The following PRAMEF12 variants were observed in gnomAD, a reference collection of about 807,000 sequenced individuals.
PRAMEF12 encodes the protein PRAME family member 12.
A neutral mutation model predicts 24.6 loss-of-function variants in PRAMEF12; 24 were observed. The observed-to-expected ratio is 0.98, with a 90% CI of 0.71 to 1.37. PRAMEF12 has a LOEUF of 1.37. Ranked by LOEUF, PRAMEF12 falls within the 40% of genes most tolerant of loss-of-function variation. The pLI is 0.00. For synonymous variants in PRAMEF12, 286 were observed against 242.6 expected, an observed-to-expected ratio of 1.18 and a Z score of -1.66; for missense variants, 646 against 580.3, an observed-to-expected ratio of 1.11 and a Z score of -1.16.
rs986311617 is a variant in PRAMEF12 at position 12,775,235 on chromosome 1, C to A, written c.287+81C>A. The A allele has an allele frequency of 2.6e-5, 38 of 1,458,832 alleles. No homozygotes were observed. In the South Asian group the frequency reaches 4.5e-4, roughly 17 times the overall value. The allele number at this position is 1,458,832 out of a possible 1,614,324, so 90.4% of individuals were successfully genotyped here. On this transcript the variant is annotated intron_variant, in intron 1 of 2. Transcript: ENST00000357726. ...GCTGGGTCAGAAGGAGTGGGAGGCC[C>A]AAGGGTGGCCCAGAGACTTCTGATG...
chr1:12,774,833 G>A lies in PRAMEF12; in HGVS notation c.-35G>A, dbSNP rs768822425. 44 of 1,547,874 alleles carry A rather than the reference G, an allele frequency of 2.8e-5. No individual in the cohort carries two copies. The South Asian group carries it at 3.6e-4, about 13-fold the overall frequency. On this transcript the variant is annotated 5_prime_UTR_variant, in exon 1 of 3. Transcript: ENST00000357726. ...AGATGATGAAGTGATGTGATTTGCCGTAAGAATGATGTTTTTTTCTCTAGA... is the reference window on the plus strand; with the variant it reads ...AGATGATGAAGTGATGTGATTTGCCATAAGAATGATGTTTTTTTCTCTAGA...
intron 2 of PRAMEF12, among the ~76,000 whole-genome samples, chr1:12,776,328 A>G (rs964493656): frequency 2.6e-5 from 4 of 152,146 alleles, no homozygotes; most frequent in Admixed American, 2.6e-4. Flanking sequence ...CTCCTGGGCT[A>G]GATGCTATAG....
chr1:12,776,490 C>A (rs1459298219), intron 2 of PRAMEF12, among the ~76,000 whole-genome samples: 1 of 152,110 alleles, frequency 6.6e-6, no homozygotes, highest in Non-Finnish European at 1.5e-5. Flanking sequence ...CACACCCCTC[C>A]ATTTTAAAAT....
chr1:12,775,098 C>T lies in PRAMEF12; in HGVS notation c.231C>T (p.Ile77=). 1 of 1,614,162 alleles carries T rather than the reference C, an allele frequency of 6.2e-7. No homozygotes were observed. The change falls in exon 1 of 3, where the codon ATC becomes ATT. Residue 77 remains isoleucine, a synonymous_variant. Transcript: ENST00000357726. ...TGATGAAGTCATGTAATCTAGAGAT[C>T]TTTCGAGCTGTGCTGGAGGGGCTTG... is the stretch of plus-strand genomic sequence containing the variant. ...GSLMKSCNLE[I]FRAVLEGLDA... is the part of the protein sequence containing the mutation.
rs955613939 is a variant in PRAMEF12, at chr1:12,777,716, A to C, written c.*117A>C. ...GTGAACCGGAAAGGAAAGGGGATGCAGGAAGGGAGGGACTGGGGGAAAAGT... is the reference window on the plus strand; with the variant it reads ...GTGAACCGGAAAGGAAAGGGGATGCCGGAAGGGAGGGACTGGGGGAAAAGT... On this transcript the variant is annotated 3_prime_UTR_variant, in exon 3 of 3. Coordinates refer to ENST00000357726, the MANE Select transcript of PRAMEF12 (RefSeq NM_001080830.5). The C allele has an allele frequency of 2.2e-5, 27 of 1,237,858 alleles. No homozygotes were observed. Among genetic ancestry groups the C allele is most frequent in the Non-Finnish European group, 2.9e-5 (26 of 891,042 alleles). The allele number at this position is 1,237,858 out of a possible 1,614,324, so 76.7% of individuals were successfully genotyped here. A position where few individuals can be genotyped will look rare whatever the true frequency, so the allele number is the denominator to read the frequency against.
Position 12,777,428 on chromosome 1 carries a change from A to C in PRAMEF12, c.1281A>C (p.Gly427=), listed in dbSNP as rs201380993. 8 of 1,607,062 alleles carry C rather than the reference A, an allele frequency of 5.0e-6. No homozygotes were observed. The African/African-American group carries it at 9.4e-5, about 19-fold the overall frequency. ...SYDAQGALCW[G]RFSQLGAELM... is the part of the protein sequence containing the mutation. ...ATGCCCAGGGTGCTCTCTGCTGGGG[A>C]AGATTTTCTCAACTTGGGGCTGAGC... Residue 427 remains glycine, a synonymous_variant, in exon 3 of 3, where the codon GGA becomes GGC. Transcript: ENST00000357726.
At chr1:12,775,498 C>G (rs762362733) in intron 1 of PRAMEF12, 45 bp from the exon 2 acceptor site, 25 of 1,541,078 alleles carry the variant, frequency 1.6e-5, no homozygotes, top group Admixed American at 1.5e-4. Flanking sequence ...GATAAAAGCT[C>G]AAATCCTTCC....
Position 12,773,945 on chromosome 1 carries a change from C to A in PRAMEF12, c.-923C>A, listed in dbSNP as rs76107746. On this transcript the variant is annotated 5_prime_UTR_variant, in exon 1 of 3. Coordinates refer to ENST00000357726, the MANE Select transcript of PRAMEF12 (RefSeq NM_001080830.5). ...CTGTTTTCAGAAGAACAAATTTAGG[C>A]TTTGATTTTTCCTCTAAATGTAGTT... is the stretch of plus-strand genomic sequence containing the variant. Among the ~76,000 whole-genome samples, 4,211 of 152,228 alleles carry A rather than the reference C, an allele frequency of 0.028. 79 individuals carry two copies. The highest frequency in any genetic ancestry group is 0.061 in the South Asian group (296 of 4,820).
rs1157022124 is a variant in PRAMEF12, at chr1:12,777,485, C to T, written c.1338C>T (p.Pro446=). Reference sequence around the variant, plus strand: ...AGACACTGAGGGACTTAAGGCAGCCCAAGATAATTGTGTTCAGCACTGTCC... The same window carrying T: ...AGACACTGAGGGACTTAAGGCAGCCTAAGATAATTGTGTTCAGCACTGTCC... The part of the protein sequence containing the change: ...LMKTLRDLRQ[P]KIIVFSTVPC... Residue 446 remains proline (P), a synonymous_variant, in exon 3 of 3, where the codon CCC becomes CCT. Coordinates refer to ENST00000357726, the MANE Select transcript of PRAMEF12 (RefSeq NM_001080830.5). The T allele has an allele frequency of 1.2e-6, 2 of 1,614,046 alleles. No homozygotes were observed. Among genetic ancestry groups the T allele is most frequent in the South Asian group, 2.2e-5 (2 of 91,080 alleles).
Position 12,775,053 on chromosome 1 carries a change from C to T in PRAMEF12, c.186C>T (p.Thr62=), listed in dbSNP as rs767083076. ...CTATGGTGCAGGCCTGGCCCTTCAC[C>T]TGCCTTCCTCTAGGGTCCCTGATGA... The part of the protein sequence containing the change: ...LTTMVQAWPF[T]CLPLGSLMKS... Residue 62 remains threonine, a synonymous_variant, in exon 1 of 3, where the codon ACC becomes ACT. Coordinates refer to ENST00000357726, the MANE Select transcript of PRAMEF12 (RefSeq NM_001080830.5). 1.9e-6 allele frequency: 3 copies of T among 1,614,070 alleles called. No homozygotes were observed. The African/African-American group carries it at 4.0e-5, about 22-fold the overall frequency.
rs1639038484 is a variant in PRAMEF12, at chr1:12,775,652, G to A, written c.397G>A (p.Ala133Thr). The change falls in exon 2 of 3, where the codon GCA becomes ACA. Residue 133 changes from alanine (A) to threonine (T), a missense_variant. Transcript: ENST00000357726. ...AGAGGCCCTGAGTAAGAGACGAACA[G>A]CAGGGAACTGTCCAAGGCCGGGTGG... is the stretch of plus-strand genomic sequence containing the variant. ...SPEALSKRRT[A>T]GNCPRPGGQQ... 5 of 1,613,946 alleles carry A rather than the reference G, an allele frequency of 3.1e-6. No homozygotes were observed. Among genetic ancestry groups the A allele is most frequent in the Non-Finnish European group, 4.2e-6 (5 of 1,180,022 alleles).
chr1:12,774,698 T>C lies in PRAMEF12; in HGVS notation c.-170T>C, dbSNP rs1639021664. 2 of 628,686 alleles carry C rather than the reference T, an allele frequency of 3.2e-6. No homozygotes were observed. Among genetic ancestry groups the C allele is most frequent in the Non-Finnish European group, 5.4e-6 (2 of 371,216 alleles). The allele number at this position is 628,686 out of a possible 1,614,324, so 38.9% of individuals were successfully genotyped here. ...CTCATTGTTTGGAAGACATTCTTTA[T>C]GGTACCAGCAAGGGCAGAATTACAG... On this transcript the variant is annotated 5_prime_UTR_variant, in exon 1 of 3. It removes an upstream start codon present in the reference 5' UTR. Transcript: ENST00000357726.
intron 2 of PRAMEF12, 41 bp downstream of exon 2, chr1:12,776,159 A>G: frequency 6.3e-7 from 1 of 1,585,484 alleles, no homozygotes; most frequent in Non-Finnish European, 8.7e-7. Context: ...ACCGCAGCAA[A>G]GACTTTCTTT....
At position 12,775,903 on chromosome 1, in the gene PRAMEF12, G is replaced by A; in HGVS notation, c.648G>A (p.Leu216=). The A allele has an allele frequency of 6.2e-7, 1 of 1,614,114 alleles. No individual in the cohort carries two copies. The highest frequency in any genetic ancestry group is 8.5e-7 in the Non-Finnish European group (1 of 1,180,008). Residue 216 remains leucine (L), a synonymous_variant, in exon 2 of 3, where the codon CTG becomes CTA. Coordinates refer to ENST00000357726, the MANE Select transcript of PRAMEF12 (RefSeq NM_001080830.5). ...TGGAAGTGTGCTGCCCGTGGGAGCTGTCCATTCTTATAAGGTTCGCCCCTT... is the reference window on the plus strand; with the variant it reads ...TGGAAGTGTGCTGCCCGTGGGAGCTATCCATTCTTATAAGGTTCGCCCCTT... ...QEVEVCCPWE[L]SILIRFAPYL... is the part of the protein sequence containing the mutation.
Position 12,775,004 on chromosome 1 carries a change from G to T in PRAMEF12, c.137G>T (p.Arg46Met). The change falls in exon 1 of 3, where the codon AGG becomes ATG. Residue 46 changes from arginine (R) to methionine (M), a missense_variant. Physicochemically the swap from Arg to Met is moderately conservative, Grantham distance 91 (BLOSUM62 -1). Transcript: ENST00000357726. Reference sequence around the variant, plus strand: ...CCACTGTTCATGGAGGCCTTTACCAGGAGATGCTGCGAGACCCTGACAACT... The same window carrying T: ...CCACTGTTCATGGAGGCCTTTACCATGAGATGCTGCGAGACCCTGACAACT... ...FPPLFMEAFT[R>M]RCCETLTTMV... is the part of the protein sequence containing the mutation. 6.2e-7 allele frequency: 1 copy of T among 1,614,142 alleles called. No individual in the cohort carries two copies. The highest frequency in any genetic ancestry group is 1.7e-5 in the Admixed American group (1 of 60,032).
In PRAMEF12 at chr1:12,777,519, C is replaced by T. The variant is rs752640848; in HGVS notation, c.1372C>T (p.Arg458Cys). 5.1e-5 allele frequency: 83 copies of T among 1,613,982 alleles called. No homozygotes were observed. Among genetic ancestry groups the T allele is most frequent in the Non-Finnish European group, 6.5e-5 (77 of 1,180,032 alleles). The change falls in exon 3 of 3, where the codon CGC becomes TGC. Residue 458 changes from arginine (R) to cysteine (C), a missense_variant. Coordinates refer to ENST00000357726, the MANE Select transcript of PRAMEF12 (RefSeq NM_001080830.5). ...TGTGTTCAGCACTGTCCCCTGCCCT[C>T]GCTGTGGCATCAGGGCCTCCTATGA... ...IIVFSTVPCP[R>C]CGIRASYDLE...
At chr1:12,776,927 C>G in intron 2 of PRAMEF12, 84 bp from the exon 3 acceptor site, 1 of 1,374,702 alleles carries the variant, frequency 7.3e-7, no homozygotes, top group Non-Finnish European at 1.0e-6. Flanking sequence ...ATAAGCAGAA[C>G]AGCCTTGGGT....
Position 12,777,191 on chromosome 1 carries a change from C to T in PRAMEF12, c.1044C>T (p.Ala348=). The T allele has an allele frequency of 1.9e-6, 3 of 1,613,246 alleles. No individual in the cohort carries two copies. The highest frequency in any genetic ancestry group is 2.5e-6 in the Non-Finnish European group (3 of 1,179,956). The change falls in exon 3 of 3, where the codon GCC becomes GCT. Residue 348 remains alanine, a synonymous_variant. Transcript: ENST00000357726. ...CAGTTCTGCTGGAGCAAGCTGAGGCCACCCTGCAGACCCTGGACTTAGAGG... is the reference window on the plus strand; with the variant it reads ...CAGTTCTGCTGGAGCAAGCTGAGGCTACCCTGCAGACCCTGGACTTAGAGG... ...PLSVLLEQAE[A]TLQTLDLEDC... is the part of the protein sequence containing the mutation.
At position 12,777,033 on chromosome 1, in the gene PRAMEF12, A is replaced by G. The variant is rs757355324; in HGVS notation, c.886A>G (p.Thr296Ala). ...LLRCLQAPLE[T>A]VVMTECLLSE... is the part of the protein sequence containing the mutation. ...CAGGTGTCTCCAGGCCCCCTTGGAG[A>G]CAGTCGTAATGACCGAATGCCTGCT... is the stretch of plus-strand genomic sequence containing the variant. The change falls in exon 3 of 3, where the codon ACA becomes GCA. Residue 296 changes from threonine (T) to alanine (A), a missense_variant. By Grantham distance (58) the Thr-to-Ala change is moderately conservative (BLOSUM62 0). Transcript: ENST00000357726. The G allele has an allele frequency of 1.4e-5, 23 of 1,613,056 alleles. No individual in the cohort carries two copies. The highest frequency in any genetic ancestry group is 1.8e-5 in the Non-Finnish European group (21 of 1,179,584).
Sources: allele counts gnomAD v4.1 joint callset (sites outside exome capture counted in the v4.1 genomes callset), GRCh38; gene constraint gnomAD v4.1.1; transcripts MANE v1.5; gene names NCBI Gene and HGNC (gene_info 2026-07-23, HGNC 2026-07-21).